Variants in KAT2B observed in about 807,000 individuals in gnomAD.
The protein encoded by KAT2B is lysine acetyltransferase 2B.
KAT2B carries 36 observed loss-of-function variants against 105.9 expected under a neutral mutation model. The ratio of observed to expected loss-of-function variants is 0.34; its 90% CI spans 0.26 to 0.45. The LOEUF (loss-of-function observed/expected upper bound fraction) is 0.45. Ranked by LOEUF, KAT2B falls within the 20% of genes least tolerant of loss-of-function variation. KAT2B has a pLI of 1.00. For synonymous variants in KAT2B, 397 were observed against 377.9 expected, an observed-to-expected ratio of 1.05 and a Z score of -0.59; for missense variants, 820 against 1,021.6, an observed-to-expected ratio of 0.80 and a Z score of 2.69.
At chr3:20,140,140 A>T in intron 12 of KAT2B, 81 bp from the exon 13 acceptor site, 1 of 906,392 alleles carries the variant, frequency 1.1e-6, no homozygotes, top group Non-Finnish European at 1.8e-6. Flanking sequence ...TTGATTCCTC[A>T]CACAGTGCCT....
intron 1 of KAT2B, among the ~76,000 whole-genome samples, chr3:20,052,320 A>G (rs1466253401): frequency 6.6e-6 from 1 of 152,238 alleles, no homozygotes; most frequent in African/African-American, 2.4e-5. Context: ...TCCTTATGAC[A>G]ATAGAAGCTC....
intron 2 of KAT2B, among the ~76,000 whole-genome samples, chr3:20,082,198 C>A (rs755984701): frequency 5.9e-5 from 9 of 151,930 alleles, no homozygotes; most frequent in Admixed American, 6.6e-5. Context: ...CCATGCCCAG[C>A]TAATTTTTTT....
intron 1 of KAT2B, among the ~76,000 whole-genome samples, chr3:20,054,477 A>G (rs1316502140): frequency 6.6e-6 from 1 of 152,204 alleles, no homozygotes; most frequent in Non-Finnish European, 1.5e-5. Context: ...TCCACTTGGA[A>G]CAATACATCA....
chr3:20,144,276 C>CTT (rs761735374), intron 13 of KAT2B, among the ~76,000 whole-genome samples: 2,021 of 89,286 alleles, frequency 0.023, 209 homozygotes, highest in Non-Finnish European at 0.031. Context: ...CCTTGGGATT[C>CTT]TTTTTTTTTT....
chr3:20,071,549 T>C (rs977539946), intron 1 of KAT2B, among the ~76,000 whole-genome samples: 1 of 152,214 alleles, frequency 6.6e-6, no homozygotes, highest in Non-Finnish European at 1.5e-5. Context: ...GGTAGAATAA[T>C]TGATAATTTT....
rs140972380 is a variant in KAT2B, at chr3:20,152,803, G to A, written c.*278G>A. 10 of 205,914 alleles carry A rather than the reference G, an allele frequency of 4.9e-5. No individual in the cohort carries two copies. The highest frequency in any genetic ancestry group is 2.3e-4 in the African/African-American group (10 of 43,684). The allele number at this position is 205,914 out of a possible 1,614,324, so 12.8% of individuals were successfully genotyped here. ...GTCCATTAGCTATTTCATGATAGATGATTAGGGGTTTCCTCAAAACCTGTG... is the reference window on the plus strand; with the variant it reads ...GTCCATTAGCTATTTCATGATAGATAATTAGGGGTTTCCTCAAAACCTGTG... On this transcript the variant is annotated 3_prime_UTR_variant, in exon 18 of 18. Coordinates refer to ENST00000263754, the MANE Select transcript of KAT2B (RefSeq NM_003884.5).
At chr3:20,044,341 G>A (rs910390073) in intron 1 of KAT2B, among the ~76,000 whole-genome samples, 1 of 151,714 alleles carries the variant, frequency 6.6e-6, no homozygotes, top group African/African-American at 2.4e-5. Flanking sequence ...TTAACCAGGC[G>A]TGGTGGCAGA....
At chr3:20,148,221 T>C (rs762459103) in intron 15 of KAT2B, 22 bp from the exon 16 acceptor site, 9 of 1,603,244 alleles carry the variant, frequency 5.6e-6, no homozygotes, top group Non-Finnish European at 7.7e-6. Flanking sequence ...CATTGCTCCT[T>C]GTTTCCCTTT....
intron 2 of KAT2B, among the ~76,000 whole-genome samples, chr3:20,083,954 A>G (rs574878287): frequency 6.6e-6 from 1 of 152,082 alleles, no homozygotes; most frequent in Admixed American, 6.5e-5. Context: ...GGGTTCGGGG[A>G]AGATTGGAGC....
intron 3 of KAT2B, among the ~76,000 whole-genome samples, chr3:20,097,070 A>T (rs2125196144): frequency 1.3e-5 from 2 of 152,326 alleles, no homozygotes; most frequent in Middle Eastern, 6.8e-3. Flanking sequence ...CAACTTGTTG[A>T]CATGGCTGTG....
In KAT2B at chr3:20,140,185, A is replaced by G. The variant is rs764232813; in HGVS notation, c.1861-36A>G. The G allele has an allele frequency of 3.0e-6, 4 of 1,339,624 alleles. No homozygotes were observed. In the Admixed American group the frequency reaches 6.7e-5, roughly 23 times the overall value. 83.0% of individuals were successfully genotyped at this position (1,339,624 alleles called of 1,614,324 possible). A position where few individuals can be genotyped will look rare whatever the true frequency, so the allele number is the denominator to read the frequency against. On this transcript the variant is annotated intron_variant, in intron 12 of 17. Coordinates refer to ENST00000263754, the MANE Select transcript of KAT2B (RefSeq NM_003884.5). The stretch of plus-strand genomic sequence containing the variant: ...TTAGCACTCAGTAGATATTTGGTGT[A>G]TGGTGTTCATATGAATGAATTTACT...
chr3:20,062,310 TATATATAAAA>T lies in KAT2B; in HGVS notation c.304-10022_304-10013del, dbSNP rs1363465952. Among the ~76,000 whole-genome samples, 33 of 27,234 alleles carry T rather than the reference TATATATAAAA, an allele frequency of 1.2e-3. 1 individual carries two copies. Among genetic ancestry groups the T allele is most frequent in the Non-Finnish European group, 3.1e-3 (30 of 9,672 alleles). The allele number at this position is 27,234 out of a possible 152,430, so 17.9% of individuals were successfully genotyped here. A position where few individuals can be genotyped will look rare whatever the true frequency, so the allele number is the denominator to read the frequency against. On this transcript the variant is annotated intron_variant, in intron 1 of 17. Transcript: ENST00000263754. ...ATAATATATAATATATAAAATATAA[TATATATAAAA>T]TATTTATTATGTATAAAATATAATA... is the stretch of plus-strand genomic sequence containing the variant.
At chr3:20,062,751 C>T (rs1452469295) in intron 1 of KAT2B, among the ~76,000 whole-genome samples, 2 of 151,756 alleles carry the variant, frequency 1.3e-5, no homozygotes, top group Non-Finnish European at 2.9e-5. Flanking sequence ...CGTGAGTCAC[C>T]GTGCCTGGCC....
In KAT2B at chr3:20,111,706, G is replaced by A. The variant is rs1356312243; in HGVS notation, c.962G>A (p.Arg321Gln). 1 of 1,613,854 alleles carries A rather than the reference G, an allele frequency of 6.2e-7. No homozygotes were observed. Among genetic ancestry groups the A allele is most frequent in the African/African-American group, 1.3e-5 (1 of 74,878 alleles). The change falls in exon 6 of 18, where the codon CGA becomes CAA. Residue 321 changes from arginine to glutamine, a missense_variant. Coordinates refer to ENST00000263754, the MANE Select transcript of KAT2B (RefSeq NM_003884.5). Reference protein sequence around the residue: ...LLRSVFTVMRRQLLEQARQEK... With the variant: ...LLRSVFTVMRQQLLEQARQEK... ...CGCTCGGTCTTCACTGTTATGAGGCGACAACTCCTGGAACAAGCAAGACAG... is the reference window on the plus strand; with the variant it reads ...CGCTCGGTCTTCACTGTTATGAGGCAACAACTCCTGGAACAAGCAAGACAG...
intron 3 of KAT2B, among the ~76,000 whole-genome samples, chr3:20,099,494 C>T (rs1021207973): frequency 3.9e-5 from 6 of 152,130 alleles, no homozygotes; most frequent in Non-Finnish European, 7.3e-5. Flanking sequence ...GGGTTGCATA[C>T]CAGGCCTCTG....
chr3:20,062,422 TATATATA>T (rs761080858), intron 1 of KAT2B, among the ~76,000 whole-genome samples: 17,722 of 113,752 alleles, frequency 0.16, 2,859 homozygotes, highest in African/African-American at 0.4. Flanking sequence ...TATATATTAT[TATATATA>T]ATATATAATA....
At chr3:20,112,402 G>A (rs931494354) in intron 6 of KAT2B, among the ~76,000 whole-genome samples, 1 of 152,174 alleles carries the variant, frequency 6.6e-6, no homozygotes, top group Non-Finnish European at 1.5e-5. Context: ...AGGCATAAAT[G>A]ATCATTTAAA....
chr3:20,040,596 C>A lies in KAT2B; in HGVS notation c.119C>A (p.Ser40Tyr). ...AALPPAPPQG[S>Y]PCAAAAGGSG... ...CTTCCGCCCGCGCCCCCGCAGGGCT[C>A]CCCCTGCGCCGCTGCCGCCGGGGGC... Residue 40 changes from serine to tyrosine, a missense_variant, in exon 1 of 18, where the codon TCC becomes TAC. Physicochemically the swap from Ser to Tyr is moderately radical, Grantham distance 144 (BLOSUM62 -2). Coordinates refer to ENST00000263754, the MANE Select transcript of KAT2B (RefSeq NM_003884.5). The A allele has an allele frequency of 8.1e-7, 1 of 1,237,250 alleles. No individual in the cohort carries two copies. The highest frequency in any genetic ancestry group is 1.6e-5 in the African/African-American group (1 of 63,054). 76.6% of individuals were successfully genotyped at this position (1,237,250 alleles called of 1,614,324 possible).
intron 4 of KAT2B, 44 bp from the exon 5 acceptor site, chr3:20,101,243 T>C: frequency 6.5e-7 from 1 of 1,539,508 alleles, no homozygotes; most frequent in Non-Finnish European, 9.0e-7. Context: ...AGAATTAGTA[T>C]GATTGCATAG....
Sources: allele counts gnomAD v4.1 joint callset (sites outside exome capture counted in the v4.1 genomes callset), GRCh38; gene constraint gnomAD v4.1.1; transcripts MANE v1.5; gene names NCBI Gene and HGNC (gene_info 2026-07-23, HGNC 2026-07-21).